TSPAN7: variants seen among roughly 807,000 people sequenced by gnomAD.
TSPAN7 encodes the protein tetraspanin 7.
Under a neutral mutation model 17.6 loss-of-function variants are expected in TSPAN7, and 1 was observed. The observed-to-expected ratio is 0.06, with a 90% CI of 0.02 to 0.27. TSPAN7 has a LOEUF of 0.27. TSPAN7 is among the 10% of genes least tolerant of loss of function. TSPAN7 has a pLI of 1.00. For synonymous variants in TSPAN7, 78 were observed against 79.0 expected (o/e 0.99, Z 0.07); for missense variants, 112 against 201.7 (o/e 0.56, Z 2.69).
intron 1 of TSPAN7, among the ~76,000 whole-genome samples, chrX:38,639,543 T>G (rs980899048): frequency 3.6e-4 from 37 of 102,764 alleles, no homozygotes; most frequent in African/African-American, 1.3e-3. Flanking sequence ...TGTGAAATCT[T>G]TTTTTGCTTT....
intron 1 of TSPAN7, among the ~76,000 whole-genome samples, chrX:38,565,886 G>A (rs768170553): frequency 2.5e-3 from 281 of 111,536 alleles, no homozygotes; most frequent in African/African-American, 9.0e-3. Context: ...GACATTTTTG[G>A]CCATAGCTGG....
At chrX:38,631,930 A>G (rs2069553816) in intron 1 of TSPAN7, among the ~76,000 whole-genome samples, 1 of 112,124 alleles carries the variant, frequency 8.9e-6, no homozygotes, top group Non-Finnish European at 1.9e-5. Context: ...TATTGTGACC[A>G]TACCCCACTA....
At chrX:38,569,132 G>A (rs571757747) in intron 1 of TSPAN7, among the ~76,000 whole-genome samples, 2 of 110,892 alleles carry the variant, frequency 1.8e-5, no homozygotes, top group African/African-American at 6.6e-5. Context: ...TTAAGAGGGG[G>A]CACTACGAAG....
intron 1 of TSPAN7, among the ~76,000 whole-genome samples, chrX:38,624,798 T>C (rs2069512015): frequency 8.9e-6 from 1 of 112,952 alleles, no homozygotes; most frequent in African/African-American, 3.2e-5. Flanking sequence ...ACCTGGGTTT[T>C]AAGGAATATT....
At chrX:38,664,097 G>A (rs751368131) in intron 1 of TSPAN7, among the ~76,000 whole-genome samples, 1 of 112,447 alleles carries the variant, frequency 8.9e-6, no homozygotes, top group African/African-American at 3.2e-5. Flanking sequence ...TAATGCTACA[G>A]TGGAAAGTAT....
chrX:38,584,626 A>G (rs749974974), intron 1 of TSPAN7, among the ~76,000 whole-genome samples: 17 of 112,181 alleles, frequency 1.5e-4, no homozygotes, highest in African/African-American at 5.2e-4. Context: ...TTTGTGTTTG[A>G]AAGACTCTTT....
intron 1 of TSPAN7, among the ~76,000 whole-genome samples, chrX:38,600,389 A>G (rs1030202557): frequency 9.0e-6 from 1 of 111,247 alleles, no homozygotes; most frequent in African/African-American, 3.3e-5. Flanking sequence ...AACCCCCTAC[A>G]TTCTTTTTTT....
chrX:38,588,891 C>T (rs5917606), intron 1 of TSPAN7, among the ~76,000 whole-genome samples: 16,921 of 110,673 alleles, frequency 0.15, 1,349 homozygotes, highest in Middle Eastern at 0.29. Context: ...TAAAATGATC[C>T]CAGTTTATCA....
chrX:38,675,163 T>C (rs950611022), intron 4 of TSPAN7, among the ~76,000 whole-genome samples: 1 of 112,449 alleles, frequency 8.9e-6, no homozygotes, highest in African/African-American at 3.2e-5. Context: ...TCTCTGCCAC[T>C]GTAGCACAAA....
intron 1 of TSPAN7, among the ~76,000 whole-genome samples, chrX:38,580,373 A>T (rs544722329): frequency 8.9e-6 from 1 of 112,418 alleles, no homozygotes; most frequent in South Asian, 3.7e-4. Context: ...ACTTAGCAAA[A>T]AAATAAATAA....
At chrX:38,582,168 T>C (rs945121747) in intron 1 of TSPAN7, among the ~76,000 whole-genome samples, 4 of 112,494 alleles carry the variant, frequency 3.6e-5, no homozygotes, top group African/African-American at 1.3e-4. Context: ...TTACCTCTGG[T>C]GAGAATTTAA....
chrX:38,632,016 A>AT (rs920710933), intron 1 of TSPAN7, among the ~76,000 whole-genome samples: 5 of 108,699 alleles, frequency 4.6e-5, no homozygotes, highest in African/African-American at 6.7e-5. Context: ...ATCTTTTGCA[A>AT]TTTTTTTTTT....
At position 38,618,960 on chromosome X, in the gene TSPAN7, T is replaced by C. The variant is rs144019278; in HGVS notation, c.82-47161T>C. Among the ~76,000 whole-genome samples, 998 of 111,652 alleles carry C rather than the reference T, an allele frequency of 8.9e-3. 32 individuals are homozygous for C. Among genetic ancestry groups the C allele is most frequent in the East Asian group, 0.072 (254 of 3,509 alleles). On this transcript the variant is annotated intron_variant, in intron 1 of 7. Coordinates refer to ENST00000378482, the MANE Select transcript of TSPAN7 (RefSeq NM_004615.4). The stretch of plus-strand genomic sequence containing the variant: ...CGGTGAAACTGTGTCTTTGAAGACA[T>C]TGCACTTTGGCACCTGTGCCTTGCT...
At chrX:38,669,941 G>A (rs2069809462) in intron 2 of TSPAN7, among the ~76,000 whole-genome samples, 1 of 112,037 alleles carries the variant, frequency 8.9e-6, no homozygotes. Flanking sequence ...ATCAAACTCT[G>A]CTTTGAATTG....
At chrX:38,671,977 G>A (rs2069823841) in intron 3 of TSPAN7, among the ~76,000 whole-genome samples, 1 of 111,391 alleles carries the variant, frequency 9.0e-6, no homozygotes, top group Admixed American at 9.6e-5. Context: ...GAGCTTGGGA[G>A]GTCGAGGCTG....
chrX:38,623,817 G>A (rs935764483), intron 1 of TSPAN7, among the ~76,000 whole-genome samples: 1 of 108,101 alleles, frequency 9.3e-6, no homozygotes, highest in East Asian at 3.0e-4. Flanking sequence ...ACGAAAACCA[G>A]TTCTGCCCAC....
chrX:38,631,429 A>G (rs773682429), intron 1 of TSPAN7, among the ~76,000 whole-genome samples: 5 of 111,948 alleles, frequency 4.5e-5, no homozygotes, highest in African/African-American at 1.6e-4. Flanking sequence ...CCTTCGGTAT[A>G]AAACAAAGGT....
chrX:38,671,460 C>T lies in TSPAN7; in HGVS notation c.345+10C>T, dbSNP rs1437523806. On this transcript the variant is annotated intron_variant, in intron 3 of 7. Coordinates refer to ENST00000378482, the MANE Select transcript of TSPAN7 (RefSeq NM_004615.4). ...TGTGTTTCGTCATGAGGTGAGTATA[C>T]ACAAAATGCAGAACTCAGTTAAGGG... The T allele has an allele frequency of 8.3e-7, 1 of 1,204,006 alleles. No homozygotes were observed. The highest frequency in any genetic ancestry group is 1.8e-5 in the African/African-American group (1 of 56,942).
chrX:38,660,610 C>G (rs1338304480), intron 1 of TSPAN7, among the ~76,000 whole-genome samples: 1 of 112,200 alleles, frequency 8.9e-6, no homozygotes, highest in Non-Finnish European at 1.9e-5. Flanking sequence ...TTCACAATAC[C>G]TTTGTGTGTA....
Sources: gnomAD v4.1 joint callset for allele counts (sites outside exome capture counted in the v4.1 genomes callset) on GRCh38, gnomAD v4.1.1 for gene constraint, MANE v1.5 for transcripts, NCBI Gene and HGNC (gene_info 2026-07-23, HGNC 2026-07-21) for gene names.